RCAN2: variants seen among roughly 807,000 people sequenced by gnomAD.
RCAN2 encodes the protein calcipressin-2.
RCAN2 carries 9 observed loss-of-function variants against 23.6 expected under a neutral mutation model. The observed-to-expected ratio is 0.38, with a 90% CI of 0.23 to 0.67. RCAN2 has a LOEUF of 0.67. RCAN2 is among the 30% of genes least tolerant of loss of function. The pLI, the probability that RCAN2 is intolerant of heterozygous loss-of-function variation, is 0.51. For missense variants in RCAN2, 273 were observed against 302.3 expected (o/e 0.90, Z 0.72); for synonymous variants, 109 against 115.7 (o/e 0.94, Z 0.37).
chr6:46,302,651 A>G (rs768192244), intron 2 of RCAN2, among the ~76,000 whole-genome samples: 1 of 152,114 alleles, frequency 6.6e-6, no homozygotes, highest in Non-Finnish European at 1.5e-5. Context: ...TATGAAATTA[A>G]GAAGTAATTT....
intron 2 of RCAN2, among the ~76,000 whole-genome samples, chr6:46,257,067 C>G (rs1766943751): frequency 6.6e-6 from 1 of 152,176 alleles, no homozygotes; most frequent in Admixed American, 6.5e-5. Context: ...TCAGTAATTA[C>G]AGAACATGAA....
intron 2 of RCAN2, among the ~76,000 whole-genome samples, chr6:46,364,857 C>T (rs1002799776): frequency 6.6e-6 from 1 of 152,164 alleles, no homozygotes; most frequent in Non-Finnish European, 1.5e-5. Context: ...TTCTCCCTCT[C>T]GCTCACTTTG....
At chr6:46,417,447 T>C (rs1204049600) in intron 2 of RCAN2, among the ~76,000 whole-genome samples, 2 of 152,204 alleles carry the variant, frequency 1.3e-5, no homozygotes, top group African/African-American at 4.8e-5. Context: ...TGAAGAAAGA[T>C]TATGATAATG....
chr6:46,437,012 A>G (rs1767390382), intron 2 of RCAN2, among the ~76,000 whole-genome samples: 1 of 152,248 alleles, frequency 6.6e-6, no homozygotes, highest in Non-Finnish European at 1.5e-5. Context: ...TCCAGACACT[A>G]TAACATTAAA....
intron 4 of RCAN2, among the ~76,000 whole-genome samples, chr6:46,223,749 C>A (rs896248702): frequency 6.6e-6 from 1 of 152,208 alleles, no homozygotes; most frequent in Admixed American, 6.5e-5. Flanking sequence ...ACACTTCTTA[C>A]AGCCAGAGCT....
chr6:46,431,442 T>C (rs543458686), intron 2 of RCAN2, among the ~76,000 whole-genome samples: 4 of 152,224 alleles, frequency 2.6e-5, no homozygotes, highest in African/African-American at 9.6e-5. Context: ...ATCTAACACA[T>C]AGTCCTCAAT....
intron 2 of RCAN2, among the ~76,000 whole-genome samples, chr6:46,436,888 C>G (rs1767384859): frequency 1.3e-5 from 2 of 152,126 alleles, no homozygotes; most frequent in African/African-American, 4.8e-5. Flanking sequence ...ATAATAAAAA[C>G]AGAACCAACC....
At chr6:46,424,693 C>T (rs527567751) in intron 2 of RCAN2, among the ~76,000 whole-genome samples, 1 of 152,148 alleles carries the variant, frequency 6.6e-6, no homozygotes, top group African/African-American at 2.4e-5. Flanking sequence ...CTTAGGCTGC[C>T]CCTGACAGAC....
At chr6:46,329,785 A>G (rs1313897131) in intron 2 of RCAN2, among the ~76,000 whole-genome samples, 1 of 152,180 alleles carries the variant, frequency 6.6e-6, no homozygotes, top group African/African-American at 2.4e-5. Context: ...GCAATGACCG[A>G]TCACACTGAG....
At chr6:46,249,645 C>A (rs1000194931) in intron 2 of RCAN2, among the ~76,000 whole-genome samples, 4 of 151,970 alleles carry the variant, frequency 2.6e-5, no homozygotes, top group Admixed American at 2.0e-4. Flanking sequence ...ACTTTTCTTG[C>A]CTAAAAATAT....
intron 2 of RCAN2, among the ~76,000 whole-genome samples, chr6:46,382,622 A>C (rs1678929871): frequency 6.6e-6 from 1 of 152,232 alleles, no homozygotes; most frequent in Non-Finnish European, 1.5e-5. Context: ...TGGTTCTAAT[A>C]ATAAAAGCGC....
chr6:46,228,986 A>G (rs1262903527), intron 4 of RCAN2, among the ~76,000 whole-genome samples: 3 of 152,104 alleles, frequency 2.0e-5, no homozygotes, highest in Non-Finnish European at 4.4e-5. Flanking sequence ...ATCTCTCAGC[A>G]TTTGCTTGTC....
chr6:46,234,488 C>T (rs1055154597), intron 4 of RCAN2, among the ~76,000 whole-genome samples: 1 of 152,196 alleles, frequency 6.6e-6, no homozygotes, highest in East Asian at 1.9e-4. Context: ...CTTACCCACA[C>T]AGGGTGGGAG....
At chr6:46,485,279 G>T (rs1404402826) in intron 1 of RCAN2, among the ~76,000 whole-genome samples, 1 of 152,146 alleles carries the variant, frequency 6.6e-6, no homozygotes, top group Non-Finnish European at 1.5e-5. Flanking sequence ...TATTCAAAAA[G>T]ATTATTGGCT....
At chr6:46,457,948 C>T (rs756402420) in intron 1 of RCAN2, among the ~76,000 whole-genome samples, 1 of 152,134 alleles carries the variant, frequency 6.6e-6, no homozygotes, top group Non-Finnish European at 1.5e-5. Flanking sequence ...AGGTCAGTAT[C>T]CCCATATAGT....
intron 4 of RCAN2, among the ~76,000 whole-genome samples, chr6:46,235,453 C>T (rs747797858): frequency 1.2e-4 from 18 of 152,132 alleles, no homozygotes; most frequent in Non-Finnish European, 2.4e-4. Flanking sequence ...ATCATGAGCC[C>T]CAGTTCCTGC....
At chr6:46,300,981 T>A (rs1762888759) in intron 2 of RCAN2, among the ~76,000 whole-genome samples, 2 of 151,966 alleles carry the variant, frequency 1.3e-5, no homozygotes, top group Admixed American at 6.6e-5. Context: ...ATTTTTTTTT[T>A]AAATCCGAAG....
chr6:46,397,132 C>T (rs550972749), intron 2 of RCAN2, among the ~76,000 whole-genome samples: 14 of 152,124 alleles, frequency 9.2e-5, no homozygotes, highest in Admixed American at 2.6e-4. Flanking sequence ...AAAAAGTAAC[C>T]TAGAACATAT....
In RCAN2 at chr6:46,399,922, G is replaced by A. The variant is rs1238346439; in HGVS notation, c.225+56830C>T. On this transcript the variant is annotated intron_variant, in intron 2 of 4. Transcript: ENST00000371374. ...GACATATCTTCTGTTGGGTTGTCAT[G>A]ATCCATACCACTAAGCTGTAAAGTG... Among the ~76,000 whole-genome samples the A allele has an allele frequency of 1.7e-4, 26 of 152,196 alleles. 1 individual carries two copies. Among genetic ancestry groups the A allele is most frequent in the Admixed American group, 1.7e-3 (26 of 15,280 alleles).
Sources: allele counts gnomAD v4.1 joint callset (sites outside exome capture counted in the v4.1 genomes callset), GRCh38; gene constraint gnomAD v4.1.1; transcripts MANE v1.5; gene names NCBI Gene and HGNC (gene_info 2026-07-23, HGNC 2026-07-21).